Variants in NUBP2 observed in about 807,000 individuals in gnomAD.
NUBP2 encodes NUBP iron-sulfur cluster assembly factor 2, cytosolic.
NUBP2 carries 23 observed loss-of-function variants against 24.9 expected under a neutral mutation model. The ratio of observed to expected loss-of-function variants is 0.92; its 90% confidence interval spans 0.66 to 1.31. The LOEUF is 1.31. Ranked by LOEUF, NUBP2 falls within the 50% of genes most tolerant of loss-of-function variation. The pLI, the probability that NUBP2 is intolerant of heterozygous loss-of-function variation, is 0.00. For missense variants in NUBP2, 403 were observed against 386.5 expected, an observed-to-expected ratio of 1.04 and a Z score of -0.36; for synonymous variants, 186 against 170.9, an observed-to-expected ratio of 1.09 and a Z score of -0.69.
intron 1 of NUBP2, chr16:1,785,666 G>C (rs904766816): frequency 1.6e-6 from 2 of 1,288,750 alleles, no homozygotes; most frequent in Non-Finnish European, 1.0e-6. Context: ...TGCCTTTTCC[G>C]CGTCCCCTGG....
chr16:1,787,900 G>T, intron 4 of NUBP2, 41 bp from the exon 5 acceptor site: 1 of 1,599,284 alleles, frequency 6.3e-7, no homozygotes, highest in Non-Finnish European at 8.5e-7. Context: ...TGTCCCTGCT[G>T]GTGCGCCTGG....
In NUBP2 at chr16:1,788,968, A is replaced by C; in HGVS notation, c.*254A>C. On this transcript the variant is annotated 3_prime_UTR_variant, in exon 7 of 7. Transcript: ENST00000262302. ...GGCGGCCTGGGCTCTCTTCCCATCC[A>C]TGTTGCCTACCTGTGCCCCTGGCAG... 2.1e-6 allele frequency: 1 copy of C among 485,488 alleles called. No homozygotes were observed. The highest frequency in any genetic ancestry group is 3.6e-6 in the Non-Finnish European group (1 of 275,554). The allele number at this position is 485,488 out of a possible 1,614,324, so 30.1% of individuals were successfully genotyped here. A position where few individuals can be genotyped will look rare whatever the true frequency, so the allele number is the denominator to read the frequency against.
chr16:1,788,663 C>T lies in NUBP2; in HGVS notation c.765C>T (p.Leu255=), dbSNP rs147565674. The stretch of plus-strand genomic sequence containing the variant: ...CTGGGAGCCCCGCCTTCGCTGCACT[C>T]ACCTCCATAGCCCAGAAGATTCTGG... ...EFPGSPAFAA[L]TSIAQKILDA... is the part of the protein sequence containing the mutation. The change falls in exon 7 of 7, where the codon CTC becomes CTT. Residue 255 remains leucine (L), a synonymous_variant. Transcript: ENST00000262302. 43 of 1,612,372 alleles carry T rather than the reference C, an allele frequency of 2.7e-5. No homozygotes were observed. The highest frequency in any genetic ancestry group is 3.2e-5 in the Non-Finnish European group (38 of 1,179,840).
chr16:1,788,430 C>G, intron 6 of NUBP2, 139 bp from the exon 7 acceptor site: 1 of 1,320,130 alleles, frequency 7.6e-7, no homozygotes, highest in Non-Finnish European at 1.0e-6. Flanking sequence ...CTGGGAGGGC[C>G]GCGGGTCTGG....
chr16:1,787,699 C>A lies in NUBP2; in HGVS notation c.357C>A (p.Ser119=), dbSNP rs756315013. Residue 119 remains serine, a synonymous_variant, in exon 4 of 7, where the codon TCC becomes TCA. Coordinates refer to ENST00000262302, the MANE Select transcript of NUBP2 (RefSeq NM_012225.4). Reference sequence around the variant, plus strand: ...CAGCGCTGATAAAGCAGTTTGTGTCCGACGTGGCCTGGGGGGAGCTGGACT... The same window carrying A: ...CAGCGCTGATAAAGCAGTTTGTGTCAGACGTGGCCTGGGGGGAGCTGGACT... ...KKNALIKQFV[S]DVAWGELDYL... 1 of 1,612,600 alleles carries A rather than the reference C, an allele frequency of 6.2e-7. No individual in the cohort carries two copies. Among genetic ancestry groups the A allele is most frequent in the Non-Finnish European group, 8.5e-7 (1 of 1,179,918 alleles).
At chr16:1,785,826 A>T (rs541151104) in intron 1 of NUBP2, 14 of 1,288,962 alleles carry the variant, frequency 1.1e-5, no homozygotes, top group African/African-American at 1.5e-5. Context: ...AGCCCCTCAC[A>T]TGCACCCTCC....
chr16:1,785,605 G>A (rs769799678), intron 1 of NUBP2: 83 of 1,280,954 alleles, frequency 6.5e-5, no homozygotes, highest in Admixed American at 7.0e-5. Flanking sequence ...AGGGGTGACC[G>A]GGAGGCCGTG....
chr16:1,787,628 T>C (rs1244581574), intron 3 of NUBP2, 49 bp from the exon 4 acceptor site: 1 of 1,593,636 alleles, frequency 6.3e-7, no homozygotes. Flanking sequence ...CAGGGCCACG[T>C]GTGCAGACCT....
chr16:1,784,143 T>G (rs970329712), intron 1 of NUBP2: 28 of 607,444 alleles, frequency 4.6e-5, no homozygotes, highest in Non-Finnish European at 5.6e-5. Context: ...AAGGCTGAAG[T>G]GCAGTGGCAC....
chr16:1,788,295 A>G, intron 6 of NUBP2, 88 bp downstream of exon 6: 1 of 1,268,762 alleles, frequency 7.9e-7, no homozygotes. Context: ...CCAGTGCCCA[A>G]GGGAGAGGAG....
chr16:1,787,900 G>A (rs575095279), intron 4 of NUBP2, 41 bp from the exon 5 acceptor site: 37 of 1,599,282 alleles, frequency 2.3e-5, no homozygotes, highest in African/African-American at 1.2e-4. Flanking sequence ...TGTCCCTGCT[G>A]GTGCGCCTGG....
chr16:1,783,001 G>A lies in NUBP2; in HGVS notation c.-20G>A, dbSNP rs1486135864. The A allele has an allele frequency of 5.0e-6, 7 of 1,398,702 alleles. No homozygotes were observed. The highest frequency in any genetic ancestry group is 1.8e-4 in the Middle Eastern group (1 of 5,510). 86.6% of individuals were successfully genotyped at this position (1,398,702 alleles called of 1,614,324 possible). A position where few individuals can be genotyped will look rare whatever the true frequency, so the allele number is the denominator to read the frequency against. On this transcript the variant is annotated 5_prime_UTR_variant, in exon 1 of 7. Transcript: ENST00000262302. ...GCGGGCGTAAGCGGACTGCAGCCGCGAGCTCCTGGAGGCGGCGGGATGGAG... is the reference window on the plus strand; with the variant it reads ...GCGGGCGTAAGCGGACTGCAGCCGCAAGCTCCTGGAGGCGGCGGGATGGAG...
chr16:1,785,240 G>A, intron 1 of NUBP2: 1 of 1,021,450 alleles, frequency 9.8e-7, no homozygotes, highest in Non-Finnish European at 1.2e-6. Context: ...GGCTCATGCT[G>A]ACTGTGCTTT....
chr16:1,783,195 T>A (rs1412437417), intron 1 of NUBP2, 159 bp downstream of exon 1: 1 of 1,173,754 alleles, frequency 8.5e-7, no homozygotes, highest in African/African-American at 1.6e-5. Context: ...GGGCATTTTC[T>A]AAACAGGGTC....
chr16:1,786,400 G>A, intron 1 of NUBP2, 137 bp from the exon 2 acceptor site: 1 of 786,108 alleles, frequency 1.3e-6, no homozygotes, highest in Non-Finnish European at 2.1e-6. Flanking sequence ...GCGAAGTGGG[G>A]CACGGGCTGC....
chr16:1,786,211 C>T (rs566531913), intron 1 of NUBP2: 5 of 383,366 alleles, frequency 1.3e-5, no homozygotes, highest in African/African-American at 8.2e-5. Flanking sequence ...ATGTGACCCA[C>T]GTGTGTGTTT....
rs1897123822 is a variant in NUBP2, at chr16:1,788,786, C to G, written c.*72C>G. 4.0e-6 allele frequency: 6 copies of G among 1,510,002 alleles called. No homozygotes were observed. The South Asian group carries it at 7.8e-5, about 20-fold the overall frequency. The allele number at this position is 1,510,002 out of a possible 1,614,324, so 93.5% of individuals were successfully genotyped here. ...TCCAGCCTCTCAGAGAAACAGAGGC[C>G]TGGGCTCGGTTCCCGGGCCCTGCAG... On this transcript the variant is annotated 3_prime_UTR_variant, in exon 7 of 7. Transcript: ENST00000262302.
At chr16:1,785,082 A>G (rs1293080603) in intron 1 of NUBP2, 2 of 985,454 alleles carry the variant, frequency 2.0e-6, no homozygotes, top group African/African-American at 3.5e-5. Flanking sequence ...CTGTAAAAAT[A>G]TATTTGTCCA....
At position 1,786,686 on chromosome 16, in the gene NUBP2, C is replaced by T. The variant is rs769697524; in HGVS notation, c.135+31C>T. The T allele has an allele frequency of 3.1e-6, 5 of 1,612,050 alleles. No homozygotes were observed. In the South Asian group the frequency reaches 3.3e-5, roughly 11 times the overall value. The stretch of plus-strand genomic sequence containing the variant: ...CGCCCTACCCCTCACTGGGCGGAGC[C>T]CCGGGCAGCTGCCCGCATCCCGGTG... On this transcript the variant is annotated intron_variant, in intron 2 of 6. Transcript: ENST00000262302.
Sources: allele counts gnomAD v4.1 joint callset, GRCh38; gene constraint gnomAD v4.1.1; transcripts MANE v1.5; gene names NCBI Gene and HGNC (gene_info 2026-07-23, HGNC 2026-07-21).